BMERB1: variants seen among roughly 807,000 people sequenced by gnomAD.
BMERB1 encodes the protein bMERB domain-containing protein 1.
In BMERB1, 12 loss-of-function variants were observed where a neutral mutation model predicts 23.6. That is an observed-to-expected ratio of 0.51 (90% CI 0.33 to 0.82). The LOEUF is 0.82. BMERB1 is among the 40% of genes least tolerant of loss of function. BMERB1 has a pLI of 0.03. For missense variants in BMERB1, 247 were observed against 255.4 expected, an observed-to-expected ratio of 0.97 and a Z score of 0.22; for synonymous variants, 122 against 96.6, an observed-to-expected ratio of 1.26 and a Z score of -1.54.
In BMERB1 at chr16:15,555,007, G is replaced by C. The variant is rs149824345; in HGVS notation, c.231-12976G>C. 4.9e-3 allele frequency among the ~76,000 whole-genome samples: 748 copies of C among 152,152 alleles called. 11 individuals are homozygous for C. The highest frequency in any genetic ancestry group is 0.017 in the African/African-American group (700 of 41,484). On this transcript the variant is annotated intron_variant, in intron 2 of 5. Coordinates refer to ENST00000300006, the MANE Select transcript of BMERB1 (RefSeq NM_033201.3). ...TTAGGTCTAAAACAAAGGTAACTAA[G>C]CAATACTGGTGTTTGTTTGTTTTGA...
intron 1 of BMERB1, 50 bp from the exon 2 acceptor site, chr16:15,515,255 A>G (rs2150951440): frequency 6.2e-7 from 1 of 1,611,114 alleles, no homozygotes; most frequent in South Asian, 1.1e-5. Context: ...GGTCTGTCCC[A>G]TGGTGCAGCC....
chr16:15,481,332 C>G (rs952562075), intron 1 of BMERB1, among the ~76,000 whole-genome samples: 2 of 152,098 alleles, frequency 1.3e-5, no homozygotes, highest in African/African-American at 4.8e-5. Flanking sequence ...CGAGACCATC[C>G]TGGCTAACAC....
chr16:15,438,407 G>C (rs2050907075), intron 1 of BMERB1, among the ~76,000 whole-genome samples: 3 of 151,176 alleles, frequency 2.0e-5, no homozygotes, highest in Admixed American at 2.0e-4. Context: ...TTCTTAAAAC[G>C]TGGATCCAGA....
intron 1 of BMERB1, chr16:15,447,832 G>A (rs2051002980): frequency 2.2e-6 from 1 of 455,738 alleles, no homozygotes; most frequent in South Asian, 1.5e-5. Flanking sequence ...GATTAAAAAA[G>A]GACTGGCAAT....
chr16:15,464,360 G>C (rs1253723294), intron 1 of BMERB1, among the ~76,000 whole-genome samples: 1 of 149,310 alleles, frequency 6.7e-6, no homozygotes, highest in South Asian at 2.1e-4. Flanking sequence ...AGGTATGGTG[G>C]CTCATACCTC....
At chr16:15,584,087 T>A in intron 5 of BMERB1, 1 of 701,770 alleles carries the variant, frequency 1.4e-6, no homozygotes, top group Non-Finnish European at 2.6e-6. Context: ...GAGGGTTTTA[T>A]ATGAAATAAG....
chr16:15,485,869 T>C (rs1442734450), intron 1 of BMERB1, among the ~76,000 whole-genome samples: 2 of 152,132 alleles, frequency 1.3e-5, no homozygotes, highest in East Asian at 3.9e-4. Context: ...ACCTACTTAG[T>C]GCACAGCAAA....
chr16:15,520,444 T>G (rs890305424), intron 2 of BMERB1, among the ~76,000 whole-genome samples: 1 of 151,626 alleles, frequency 6.6e-6, no homozygotes, highest in African/African-American at 2.4e-5. Context: ...TCTGTACCAT[T>G]GAAACTGACC....
intron 1 of BMERB1, among the ~76,000 whole-genome samples, chr16:15,493,472 C>T (rs1172756236): frequency 1.3e-5 from 2 of 152,016 alleles, no homozygotes; most frequent in Admixed American, 6.5e-5. Context: ...TTTTAAATCC[C>T]CTAAGGATTT....
chr16:15,529,437 T>C (rs2051946503), intron 2 of BMERB1, among the ~76,000 whole-genome samples: 1 of 152,194 alleles, frequency 6.6e-6, no homozygotes, highest in South Asian at 2.1e-4. Flanking sequence ...AGGGCATTTC[T>C]GGAGGGACAC....
intron 1 of BMERB1, among the ~76,000 whole-genome samples, chr16:15,500,359 C>T (rs2051516228): frequency 6.6e-6 from 1 of 152,136 alleles, no homozygotes; most frequent in Non-Finnish European, 1.5e-5. Context: ...ACCTGTGGCT[C>T]CACCCAGGTT....
chr16:15,488,551 G>A (rs1446656954), intron 1 of BMERB1, among the ~76,000 whole-genome samples: 1 of 151,842 alleles, frequency 6.6e-6, no homozygotes, highest in Admixed American at 6.6e-5. Flanking sequence ...AGTATTTGTG[G>A]GGCTGGGCGC....
chr16:15,546,008 C>T (rs1441292358), intron 2 of BMERB1, among the ~76,000 whole-genome samples: 5 of 152,032 alleles, frequency 3.3e-5, no homozygotes, highest in Non-Finnish European at 7.4e-5. Context: ...GGGTGGGGGC[C>T]AGGCACAGGG....
At chr16:15,476,634 C>T (rs901738566) in intron 1 of BMERB1, among the ~76,000 whole-genome samples, 11 of 152,246 alleles carry the variant, frequency 7.2e-5, no homozygotes, top group African/African-American at 2.7e-4. Context: ...CTGCCGGGCT[C>T]TGCCAACACC....
chr16:15,456,733 G>C (rs564164682), intron 1 of BMERB1, among the ~76,000 whole-genome samples: 1 of 152,042 alleles, frequency 6.6e-6, no homozygotes, highest in Non-Finnish European at 1.5e-5. Flanking sequence ...ATTCTTTATT[G>C]ATGGACAGCT....
At chr16:15,459,330 G>C (rs767050533) in intron 1 of BMERB1, among the ~76,000 whole-genome samples, 1 of 150,654 alleles carries the variant, frequency 6.6e-6, no homozygotes, top group Admixed American at 6.6e-5. Context: ...GGCAAAGATC[G>C]TCAGACTGGA....
At chr16:15,542,353 G>T (rs921117972) in intron 2 of BMERB1, among the ~76,000 whole-genome samples, 1 of 151,998 alleles carries the variant, frequency 6.6e-6, no homozygotes, top group Admixed American at 6.6e-5. Flanking sequence ...GTGAGCCACC[G>T]TGCCCTGCCC....
rs2050966981 is a variant in BMERB1 at position 15,444,123 on chromosome 16, G to GTTTTTTTTTTTTTTTTTTTTTGTTTT, written c.106+9385_106+9386insGTTTTTTTTTTTTTTTTTTTTTTTTT. Among the ~76,000 whole-genome samples the GTTTTTTTTTTTTTTTTTTTTTGTTTT allele has an allele frequency of 3.6e-4, 13 of 35,622 alleles. 1 individual carries two copies. Among genetic ancestry groups the GTTTTTTTTTTTTTTTTTTTTTGTTTT allele is most frequent in the Admixed American group, 9.9e-4 (2 of 2,026 alleles). 23.4% of individuals were successfully genotyped at this position (35,622 alleles called of 152,430 possible). On this transcript the variant is annotated intron_variant, in intron 1 of 5. Transcript: ENST00000300006. ...AGGCCAGGGTCCAGGCACCAGCTTT[G>GTTTTTTTTTTTTTTTTTTTTTGTTTT]TTTTTTTTTTTTTTTTTTTTTTTTT...
chr16:15,465,691 C>T (rs1199139551), intron 1 of BMERB1, among the ~76,000 whole-genome samples: 1 of 152,120 alleles, frequency 6.6e-6, no homozygotes, highest in Non-Finnish European at 1.5e-5. Flanking sequence ...AAAAATAAAA[C>T]AAAACCTTAA....
Sources: gnomAD v4.1 joint callset for allele counts (sites outside exome capture counted in the v4.1 genomes callset) on GRCh38, gnomAD v4.1.1 for gene constraint, MANE v1.5 for transcripts, NCBI Gene and HGNC (gene_info 2026-07-23, HGNC 2026-07-21) for gene names.